Variants in NRXN3 observed in about 807,000 individuals in gnomAD.
NRXN3 encodes neurexin 3.
Under a neutral mutation model 137.6 loss-of-function variants are expected in NRXN3, and 32 were observed. The ratio of observed to expected loss-of-function variants is 0.23; its 90% CI spans 0.18 to 0.31. The LOEUF (loss-of-function observed/expected upper bound fraction) is 0.31. Ranked by LOEUF, NRXN3 falls within the 10% of genes least tolerant of loss-of-function variation. The pLI, the probability that NRXN3 is intolerant of heterozygous loss-of-function variation, is 1.00. For synonymous variants in NRXN3, 798 were observed against 784.5 expected (o/e 1.02, Z -0.29); for missense variants, 1,574 against 2,062.5 (o/e 0.76, Z 4.59).
At position 79,024,193 on chromosome 14, in the gene NRXN3, G is replaced by A. The variant is rs1268728425; in HGVS notation, c.3262+36052G>A. 2.6e-5 allele frequency among the ~76,000 whole-genome samples: 4 copies of A among 152,042 alleles called. No homozygotes were observed. In the East Asian group the frequency reaches 7.7e-4, roughly 29 times the overall value. On this transcript the variant is annotated intron_variant, in intron 15 of 20. Transcript: ENST00000335750. Reference sequence around the variant, plus strand: ...CTTGCCATCCATTCTTACATACAGAGGGTGGCTACCATTTGCCACTGAAAC... The same window carrying A: ...CTTGCCATCCATTCTTACATACAGAAGGTGGCTACCATTTGCCACTGAAAC...
At chr14:79,382,862 A>G (rs1045218359) in intron 15 of NRXN3, among the ~76,000 whole-genome samples, 9 of 152,122 alleles carry the variant, frequency 5.9e-5, no homozygotes, top group Admixed American at 2.6e-4. Context: ...TCCTAATTCA[A>G]TTGGCTATTT....
Position 79,247,770 on chromosome 14 carries a change from A to G in NRXN3, c.3263-219451A>G, listed in dbSNP as rs2075389630. Among the ~76,000 whole-genome samples the G allele has an allele frequency of 2.0e-5, 3 of 151,944 alleles. No homozygotes were observed. The South Asian group carries it at 6.2e-4, about 32-fold the overall frequency. ...GAGAAAGCTTCTTTTATTTTTTAAC[A>G]TGCATTTATGTTGCTTTTTGGGCTA... On this transcript the variant is annotated intron_variant, in intron 15 of 20. Transcript: ENST00000335750.
chr14:79,314,493 C>T (rs2087934364), intron 15 of NRXN3, among the ~76,000 whole-genome samples: 1 of 30,216 alleles, frequency 3.3e-5, no homozygotes, highest in Non-Finnish European at 6.3e-5. Flanking sequence ...GGGGGAGGGG[C>T]GCCCGCCATT....
chr14:78,282,380 C>T (rs1346585980), intron 3 of NRXN3: 1 of 327,322 alleles, frequency 3.1e-6, no homozygotes, highest in African/African-American at 2.2e-5. Context: ...TCCCCTCCCC[C>T]AGTGCTTCTC....
At chr14:79,690,419 T>G (rs2098712207) in intron 17 of NRXN3, among the ~76,000 whole-genome samples, 1 of 152,102 alleles carries the variant, frequency 6.6e-6, no homozygotes, top group African/African-American at 2.4e-5. Flanking sequence ...CCTCTCCATT[T>G]TTTTCTATGA....
intron 8 of NRXN3, among the ~76,000 whole-genome samples, chr14:78,783,566 C>T (rs183417580): frequency 2.6e-4 from 39 of 151,960 alleles, no homozygotes; most frequent in African/African-American, 8.9e-4. Context: ...GATAATCATA[C>T]CATGGTAATG....
intron 19 of NRXN3, among the ~76,000 whole-genome samples, chr14:79,718,835 T>G (rs925622383): frequency 6.6e-6 from 1 of 152,140 alleles, no homozygotes; most frequent in African/African-American, 2.4e-5. Flanking sequence ...TCAACCCAGA[T>G]TCCTTTTTCT....
At chr14:78,826,773 G>A (rs969069697) in intron 10 of NRXN3, among the ~76,000 whole-genome samples, 1 of 152,034 alleles carries the variant, frequency 6.6e-6, no homozygotes, top group African/African-American at 2.4e-5. Flanking sequence ...TAATACTACT[G>A]TTTTAAAATT....
chr14:79,230,217 G>A (rs975725875), intron 15 of NRXN3, among the ~76,000 whole-genome samples: 4 of 152,022 alleles, frequency 2.6e-5, no homozygotes, highest in African/African-American at 9.7e-5. Context: ...GATTTCTTGG[G>A]TAACGGTTTT....
intron 17 of NRXN3, among the ~76,000 whole-genome samples, chr14:79,672,491 A>G (rs779806713): frequency 1.1e-4 from 17 of 152,080 alleles, no homozygotes; most frequent in Non-Finnish European, 1.9e-4. Context: ...TATCTGAAAT[A>G]GTGTGACATA....
At chr14:79,226,158 A>G (rs2070828522) in intron 15 of NRXN3, among the ~76,000 whole-genome samples, 1 of 152,160 alleles carries the variant, frequency 6.6e-6, no homozygotes, top group South Asian at 2.1e-4. Context: ...GCTAAGCAAC[A>G]TGACTCCCCA....
At chr14:78,583,774 C>G (rs1261302936) in intron 4 of NRXN3, among the ~76,000 whole-genome samples, 1 of 152,138 alleles carries the variant, frequency 6.6e-6, no homozygotes, top group African/African-American at 2.4e-5. Flanking sequence ...ATTCCATCCC[C>G]AGCTTGCCCT....
rs994989301 is a variant in NRXN3 at position 79,641,321 on chromosome 14, A to G, written c.3445-22457A>G. ...CCGCGCTCGGCCTCTTCTTTACTATAGAGTAAAAGTTGCATGGTCGTTTTC... is the reference window on the plus strand; with the variant it reads ...CCGCGCTCGGCCTCTTCTTTACTATGGAGTAAAAGTTGCATGGTCGTTTTC... On this transcript the variant is annotated intron_variant, in intron 16 of 20. Coordinates refer to ENST00000335750, the MANE Select transcript of NRXN3 (RefSeq NM_001330195.2). Among the ~76,000 whole-genome samples the G allele has an allele frequency of 3.0e-5, 4 of 135,366 alleles. 1 individual carries two copies. The highest frequency in any genetic ancestry group is 7.8e-5 in the Admixed American group (1 of 12,790). The allele number at this position is 135,366 out of a possible 152,430, so 88.8% of individuals were successfully genotyped here. A position where few individuals can be genotyped will look rare whatever the true frequency, so the allele number is the denominator to read the frequency against.
chr14:79,517,100 C>T (rs1039676700), intron 16 of NRXN3, among the ~76,000 whole-genome samples: 2 of 146,016 alleles, frequency 1.4e-5, no homozygotes, highest in Non-Finnish European at 3.0e-5. Context: ...CAGCCCCCCC[C>T]CCCTCAACGA....
intron 15 of NRXN3, among the ~76,000 whole-genome samples, chr14:79,413,891 A>AAG (rs2095457652): frequency 6.6e-6 from 1 of 151,026 alleles, no homozygotes; most frequent in Non-Finnish European, 1.5e-5. Flanking sequence ...CTCAAAAAAA[A>AAG]AAAAAAAAAA....
At chr14:79,476,746 A>G (rs997748822) in intron 16 of NRXN3, among the ~76,000 whole-genome samples, 1 of 152,090 alleles carries the variant, frequency 6.6e-6, no homozygotes, top group African/African-American at 2.4e-5. Context: ...TAATGAGCTC[A>G]TGACCACTCA....
chr14:78,912,358 A>G (rs2152787772), intron 10 of NRXN3, among the ~76,000 whole-genome samples: 1 of 151,536 alleles, frequency 6.6e-6, no homozygotes, highest in African/African-American at 2.4e-5. Flanking sequence ...ATAGAGAAGC[A>G]ATCAGTTCTT....
chr14:78,933,048 G>A (rs542156532), intron 10 of NRXN3, among the ~76,000 whole-genome samples: 5 of 152,024 alleles, frequency 3.3e-5, no homozygotes, highest in African/African-American at 4.8e-5. Context: ...AATTTGCATC[G>A]TCTGTCCATC....
intron 15 of NRXN3, among the ~76,000 whole-genome samples, chr14:79,465,011 T>C (rs1475415570): frequency 6.6e-6 from 1 of 152,210 alleles, no homozygotes; most frequent in Non-Finnish European, 1.5e-5. Flanking sequence ...TTTATCTCTG[T>C]AGCAGAATCC....
Sources: allele counts gnomAD v4.1 joint callset (sites outside exome capture counted in the v4.1 genomes callset), GRCh38; gene constraint gnomAD v4.1.1; transcripts MANE v1.5; gene names NCBI Gene and HGNC (gene_info 2026-07-23, HGNC 2026-07-21).